Variants in TJP1 observed in about 807,000 individuals in gnomAD.
The protein encoded by TJP1 is tight junction protein ZO-1.
TJP1 carries 43 observed loss-of-function variants against 194.2 expected under a neutral mutation model. The ratio of observed to expected loss-of-function variants is 0.22; its 90% CI spans 0.17 to 0.29. TJP1 has a LOEUF of 0.29. TJP1 is among the 10% of genes least tolerant of loss of function. The probability of loss-of-function intolerance (pLI) is 1.00; values close to 1 mark genes in which losing one functional copy is unlikely to be tolerated. For synonymous variants in TJP1, 801 were observed against 779.0 expected (o/e 1.03, Z -0.47); for missense variants, 1,971 against 2,185.7 (o/e 0.90, Z 1.96).
intron 27 of TJP1, among the ~76,000 whole-genome samples, chr15:29,703,081 C>G (rs918867302): frequency 1.3e-5 from 2 of 152,166 alleles, no homozygotes; most frequent in African/African-American, 4.8e-5. Context: ...GAGTATTACA[C>G]TGAAAAACCA....
Position 29,708,877 on chromosome 15 carries a change from T to G in TJP1, c.4532A>C (p.Asn1511Thr). Residue 1511 changes from asparagine (N) to threonine (T), a missense_variant, in exon 25 of 28, where the codon AAT (asparagine) becomes ACT (threonine). By Grantham distance (65) the Asn-to-Thr change is moderately conservative. Transcript: ENST00000614355. Reference sequence around the variant, plus strand: ...TGTTTTCTGAGTCTGTTCAGTTCCATTAACTGGGGCTTTATCTGGAAAACT... The same window carrying G: ...TGTTTTCTGAGTCTGTTCAGTTCCAGTAACTGGGGCTTTATCTGGAAAACT... ...QKSFPDKAPV[N>T]GTEQTQKTVT... is the part of the protein sequence containing the mutation. 1.2e-6 allele frequency: 2 copies of G among 1,614,186 alleles called. No homozygotes were observed. Among genetic ancestry groups the G allele is most frequent in the Non-Finnish European group, 1.7e-6 (2 of 1,180,030 alleles).
At chr15:29,928,352 T>C (rs1446150395) in intron 2 of TJP1, among the ~76,000 whole-genome samples, 4 of 152,196 alleles carry the variant, frequency 2.6e-5, no homozygotes, top group African/African-American at 9.6e-5. Flanking sequence ...CCAACTATGA[T>C]GGTTAAAAAT....
At chr15:29,741,294 G>T in intron 10 of TJP1, 37 bp downstream of exon 10, 1 of 1,474,262 alleles carries the variant, frequency 6.8e-7, no homozygotes, top group South Asian at 1.2e-5. Flanking sequence ...TGTTAATAAT[G>T]AACAAAGAAA....
At position 29,701,327 on chromosome 15, in the gene TJP1, T is replaced by TA. The variant is rs573865497; in HGVS notation, c.*267dup. The TA allele has an allele frequency of 3.7e-5, 13 of 353,994 alleles. No individual in the cohort carries two copies. The highest frequency in any genetic ancestry group is 1.3e-4 in the East Asian group (3 of 23,018). The allele number at this position is 353,994 out of a possible 1,614,324, so 21.9% of individuals were successfully genotyped here. On this transcript the variant is annotated 3_prime_UTR_variant, in exon 28 of 28. Coordinates refer to ENST00000614355, the MANE Select transcript of TJP1 (RefSeq NM_001330239.4). ...AATATGTGAAGTTAAGCAGTGACGA[T>TA]AAAAAAATTACAAAAATCACAAAGC...
rs1412445140 is a variant in TJP1 at position 29,732,708 on chromosome 15, C to T, written c.1844G>A (p.Arg615Gln). 1.2e-6 allele frequency: 2 copies of T among 1,614,080 alleles called. No individual in the cohort carries two copies. The highest frequency in any genetic ancestry group is 1.7e-5 in the Admixed American group (1 of 60,006). ...RGLRSSKRNLRKSREDLSAQP... is the reference protein window; with the variant it reads ...RGLRSSKRNLQKSREDLSAQP... ...AGCGGACAAATCCTCTCTGCTTTTTCGAAGATTTCTCTTGGAGCTGCGAAG... is the reference window on the plus strand; with the variant it reads ...AGCGGACAAATCCTCTCTGCTTTTTTGAAGATTTCTCTTGGAGCTGCGAAG... Residue 615 changes from arginine (R) to glutamine (Q), a missense_variant, in exon 14 of 28, where the codon CGA becomes CAA. Physicochemically the swap from Arg to Gln is conservative, Grantham distance 43. This residue lies in a region of TJP1 where 402 missense variants were observed against 484.2 expected (regional missense o/e 0.83). Coordinates refer to ENST00000614355, the MANE Select transcript of TJP1 (RefSeq NM_001330239.4).
At chr15:29,743,973 A>C (rs896057228) in intron 8 of TJP1, among the ~76,000 whole-genome samples, 1 of 152,102 alleles carries the variant, frequency 6.6e-6, no homozygotes, top group Admixed American at 6.6e-5. Flanking sequence ...GAGGTCAAGA[A>C]ATCAAGACCA....
At chr15:29,759,245 C>T (rs2045844062) in intron 8 of TJP1, 1 of 152,174 alleles carries the variant, frequency 6.6e-6, no homozygotes, top group Non-Finnish European at 1.5e-5. Flanking sequence ...ATGGCTTCAG[C>T]TAACACCTCT....
intron 2 of TJP1, among the ~76,000 whole-genome samples, chr15:29,773,878 G>A (rs950780117): frequency 6.6e-6 from 1 of 152,156 alleles, no homozygotes; most frequent in African/African-American, 2.4e-5. Context: ...TACAATAGAA[G>A]GTGTACATTA....
intron 4 of TJP1, among the ~76,000 whole-genome samples, chr15:29,768,491 G>A (rs2046454479): frequency 6.6e-6 from 1 of 152,120 alleles, no homozygotes; most frequent in Non-Finnish European, 1.5e-5. Context: ...GAGCAGATGA[G>A]CACTCAAGGC....
intron 2 of TJP1, among the ~76,000 whole-genome samples, chr15:29,794,232 T>C (rs1392375533): frequency 6.6e-6 from 1 of 152,174 alleles, no homozygotes; most frequent in Non-Finnish European, 1.5e-5. Context: ...GGTGAGGACT[T>C]TGATTTTGTC....
chr15:29,721,080 C>T (rs1349705041), intron 18 of TJP1, among the ~76,000 whole-genome samples: 1 of 152,184 alleles, frequency 6.6e-6, no homozygotes, highest in African/African-American at 2.4e-5. Context: ...ACTAAGCTCA[C>T]AGAAACAAGG....
At chr15:29,864,670 T>C (rs1181823794) in intron 2 of TJP1, among the ~76,000 whole-genome samples, 1 of 152,082 alleles carries the variant, frequency 6.6e-6, no homozygotes, top group African/African-American at 2.4e-5. Flanking sequence ...TGCACATTTC[T>C]GGATCTTTTT....
rs1396994563 is a variant in TJP1, at chr15:29,718,477, G to C, written c.3665C>G (p.Ala1222Gly). The change falls in exon 21 of 28, where the codon GCT becomes GGT. Residue 1222 changes from alanine (A) to glycine (G), a missense_variant. Ala to Gly is a moderately conservative substitution (Grantham distance 60). Transcript: ENST00000614355. ...GHFEPLHGAA[A>G]VPPLIPSSQH... is the part of the protein sequence containing the mutation. The stretch of plus-strand genomic sequence containing the variant: ...AGATGAAGGTATCAGCGGAGGGACA[G>C]CTGCAGCACCATGGAGAGGCTCAAA... The C allele has an allele frequency of 1.2e-6, 2 of 1,614,192 alleles. No homozygotes were observed. Among genetic ancestry groups the C allele is most frequent in the East Asian group, 2.2e-5 (1 of 44,876 alleles).
At chr15:29,727,590 TAC>T (rs1472382269) in intron 16 of TJP1, among the ~76,000 whole-genome samples, 3 of 152,234 alleles carry the variant, frequency 2.0e-5, no homozygotes, top group East Asian at 1.9e-4. Context: ...ATTATCCACG[TAC>T]AGTTAGAATA....
Position 29,732,516 on chromosome 15 carries a change from C to T in TJP1, c.1934G>A (p.Arg645Lys). 1 of 1,614,068 alleles carries T rather than the reference C, an allele frequency of 6.2e-7. No individual in the cohort carries two copies. Among genetic ancestry groups the T allele is most frequent in the Admixed American group, 1.7e-5 (1 of 60,024 alleles). Residue 645 changes from arginine to lysine, a missense_variant, in exon 15 of 28, where the codon AGG becomes AAG. Arg to Lys is a conservative substitution (Grantham distance 26). Coordinates refer to ENST00000614355, the MANE Select transcript of TJP1 (RefSeq NM_001330239.4). The part of the protein sequence containing the change: ...RVVLREAGFL[R>K]PVTIFGPIAD... ...TATTGGTCCAAAAATGGTTACAGGC[C>T]TCAGAAATCCAGCTGGAGAGAAATT...
At chr15:29,783,975 A>C (rs942734380) in intron 2 of TJP1, among the ~76,000 whole-genome samples, 13 of 152,152 alleles carry the variant, frequency 8.5e-5, no homozygotes, top group Admixed American at 3.3e-4. Context: ...TAAACAAATA[A>C]CATTTTTAAA....
intron 24 of TJP1, among the ~76,000 whole-genome samples, chr15:29,710,152 GA>G (rs141147225): frequency 7.9e-4 from 110 of 139,028 alleles, no homozygotes; most frequent in East Asian, 6.0e-3. Context: ...TCAAAAAGAG[GA>G]AAAAAAAAAA....
chr15:29,753,822 GAA>G (rs59926060), intron 8 of TJP1, among the ~76,000 whole-genome samples: 1 of 68,354 alleles, frequency 1.5e-5, no homozygotes, highest in Non-Finnish European at 3.1e-5. Flanking sequence ...AAGGGAAACA[GAA>G]AAAAAAAAAA....
chr15:29,718,021 C>G lies in TJP1; in HGVS notation c.3974G>C (p.Arg1325Thr). 6.2e-7 allele frequency: 1 copy of G among 1,606,340 alleles called. No homozygotes were observed. Among genetic ancestry groups the G allele is most frequent in the Non-Finnish European group, 8.5e-7 (1 of 1,177,632 alleles). ...QFSEHDKTLY[R>T]IPEPQKPQLK... Reference sequence around the variant, plus strand: ...CACAAAGAGCACAAAGTGTACTCACCTGTACAGAGTTTTGTCATGTTCACT... The same window carrying G: ...CACAAAGAGCACAAAGTGTACTCACGTGTACAGAGTTTTGTCATGTTCACT... Residue 1325 changes from arginine (R) to threonine (T), a missense_variant and splice_region_variant, in exon 22 of 28, where the codon AGG becomes ACG. Around this residue, in one of 5 missense-constraint regions of TJP1, gnomAD observed 1,108 missense variants for 1,128.5 expected, o/e 0.98. Coordinates refer to ENST00000614355, the MANE Select transcript of TJP1 (RefSeq NM_001330239.4).
Sources: gnomAD v4.1 joint callset for allele counts (sites outside exome capture counted in the v4.1 genomes callset) on GRCh38, gnomAD v4.1.1 for gene constraint, gnomAD v4.1.1 regional missense constraint, MANE v1.5 for transcripts, NCBI Gene and HGNC (gene_info 2026-07-23, HGNC 2026-07-21) for gene names.